MYOF: variants seen among roughly 807,000 people sequenced by gnomAD.
MYOF encodes myoferlin.
In MYOF, 244 loss-of-function variants were observed where a neutral mutation model predicts 284.2. That is an observed-to-expected ratio of 0.86 (90% confidence interval 0.77 to 0.95). The LOEUF (loss-of-function observed/expected upper bound fraction) is 0.95, where lower values mean the gene tolerates loss of function less well. Ranked by LOEUF, MYOF falls within the 40% of genes least tolerant of loss-of-function variation. MYOF has a pLI of 0.00. For missense variants in MYOF, 2,496 were observed against 2,560.6 expected (o/e 0.97, Z 0.54); for synonymous variants, 904 against 919.7 (o/e 0.98, Z 0.31).
intron 46 of MYOF, 66 bp downstream of exon 46, chr10:93,325,760 A>T: frequency 2.0e-6 from 3 of 1,527,374 alleles, no homozygotes; most frequent in Non-Finnish European, 2.6e-6. Context: ...AGGCGCAAAA[A>T]TGTCAACTAC....
At chr10:93,427,530 C>CAAA (rs11293315) in intron 4 of MYOF, among the ~76,000 whole-genome samples, 11 of 81,814 alleles carry the variant, frequency 1.3e-4, no homozygotes, top group Admixed American at 3.0e-4. Context: ...GACTCCGTCT[C>CAAA]AAAAAAAAAA....
intron 51 of MYOF, among the ~76,000 whole-genome samples, chr10:93,311,192 GC>G (rs1842370803): frequency 6.6e-6 from 1 of 152,132 alleles, no homozygotes; most frequent in Non-Finnish European, 1.5e-5. Context: ...GATGTTCCCA[GC>G]ACCGTTTAAA....
chr10:93,349,434 C>T (rs74150205), intron 36 of MYOF, among the ~76,000 whole-genome samples: 3,201 of 152,302 alleles, frequency 0.021, 92 homozygotes, highest in African/African-American at 0.073. Flanking sequence ...AGTCCTTATC[C>T]AGAAGGTTCT....
chr10:93,436,345 A>G (rs1849119163), intron 3 of MYOF, among the ~76,000 whole-genome samples: 1 of 152,236 alleles, frequency 6.6e-6, no homozygotes, highest in Non-Finnish European at 1.5e-5. Context: ...ACAGAAACCA[A>G]TTATAAAGGC....
chr10:93,479,312 T>C (rs1049512551), intron 1 of MYOF, among the ~76,000 whole-genome samples: 6 of 152,120 alleles, frequency 3.9e-5, no homozygotes, highest in African/African-American at 9.7e-5. Flanking sequence ...CAGTTTACCA[T>C]ACCCTGCCCC....
rs35765868 is a variant in MYOF at position 93,321,412 on chromosome 10, CTTTTTTTTTTTT to C, written c.5457-1411_5457-1400del. ...TGAAAGATTCCTTTTGACTATTAAC[CTTTTTTTTTTTT>C]TTTTTTTTTTTACAAGAGCCAGGTT... On this transcript the variant is annotated intron_variant, in intron 48 of 53. Transcript: ENST00000359263. 5.8e-5 allele frequency among the ~76,000 whole-genome samples: 7 copies of C among 121,188 alleles called. No homozygotes were observed. In the East Asian group the frequency reaches 1.7e-3, roughly 29 times the overall value. 79.5% of individuals were successfully genotyped at this position (121,188 alleles called of 152,430 possible).
At position 93,378,712 on chromosome 10, in the gene MYOF, T is replaced by C. The variant is rs1394429113; in HGVS notation, c.2001+1151A>G. Among the ~76,000 whole-genome samples the C allele has an allele frequency of 1.4e-5, 2 of 138,014 alleles. 1 individual carries two copies. Among genetic ancestry groups the C allele is most frequent in the Non-Finnish European group, 3.1e-5 (2 of 64,834 alleles). The allele number at this position is 138,014 out of a possible 152,430, so 90.5% of individuals were successfully genotyped here. A position where few individuals can be genotyped will look rare whatever the true frequency, so the allele number is the denominator to read the frequency against. On this transcript the variant is annotated intron_variant, in intron 21 of 53. Transcript: ENST00000359263. ...GTGTGTGTATATATATATATATATATATATGTATATATTTATCTTTTTAGA... is the reference window on the plus strand; with the variant it reads ...GTGTGTGTATATATATATATATATACATATGTATATATTTATCTTTTTAGA...
At chr10:93,431,024 C>CTTTTTTTTTTTTTT (rs113713765) in intron 4 of MYOF, among the ~76,000 whole-genome samples, 2 of 117,854 alleles carry the variant, frequency 1.7e-5, no homozygotes, top group Admixed American at 9.1e-5. Flanking sequence ...TTTTTCTTTT[C>CTTTTTTTTTTTTTT]TTTTTTTTTT....
In MYOF at chr10:93,333,439, C is replaced by T. The variant is rs78441577; in HGVS notation, c.4720-127G>A. ...TGACAAGGTGGCCGCCATGGCACCCCGTGCCTAAGACAAGGGAGCAATGCT... is the reference window on the plus strand; with the variant it reads ...TGACAAGGTGGCCGCCATGGCACCCTGTGCCTAAGACAAGGGAGCAATGCT... On this transcript the variant is annotated intron_variant, in intron 42 of 53. Transcript: ENST00000359263. 7,400 of 715,514 alleles carry T rather than the reference C, an allele frequency of 0.01. 338 individuals are homozygous for T. In the African/African-American group the frequency reaches 0.11, roughly 11 times the overall value. The allele number at this position is 715,514 out of a possible 1,614,324, so 44.3% of individuals were successfully genotyped here. A position where few individuals can be genotyped will look rare whatever the true frequency, so the allele number is the denominator to read the frequency against.
At chr10:93,446,508 T>G (rs965994431) in intron 3 of MYOF, among the ~76,000 whole-genome samples, 12 of 151,650 alleles carry the variant, frequency 7.9e-5, no homozygotes, top group African/African-American at 2.9e-4. Flanking sequence ...TGGCAGAAGA[T>G]GCAGGGTGTG....
At chr10:93,465,655 T>C (rs1287463696) in intron 1 of MYOF, among the ~76,000 whole-genome samples, 1 of 151,906 alleles carries the variant, frequency 6.6e-6, no homozygotes, top group Non-Finnish European at 1.5e-5. Flanking sequence ...GTTGGGACTG[T>C]AGGCATGTGC....
At chr10:93,351,619 A>G in intron 33 of MYOF, 46 bp downstream of exon 33, 2 of 1,605,094 alleles carry the variant, frequency 1.2e-6, no homozygotes, top group Non-Finnish European at 1.7e-6. Flanking sequence ...CATCCCTTCA[A>G]ATCTCCATCA....
chr10:93,482,287 C>T lies in MYOF; in HGVS notation c.-93G>A. The T allele has an allele frequency of 9.2e-7, 1 of 1,083,104 alleles. No homozygotes were observed. 67.1% of individuals were successfully genotyped at this position (1,083,104 alleles called of 1,614,324 possible). ...CGCACCGCCCTGGGAGAGAAGTTCTCTCCCAGTGAAGGGAGGATTTCTCCC... is the reference window on the plus strand; with the variant it reads ...CGCACCGCCCTGGGAGAGAAGTTCTTTCCCAGTGAAGGGAGGATTTCTCCC... On this transcript the variant is annotated 5_prime_UTR_variant, in exon 1 of 54. Transcript: ENST00000359263.
In MYOF at chr10:93,351,182, T is replaced by C. The variant is rs375436799; in HGVS notation, c.3921+15A>G. ...TCCGTTTGATTTGATGAGTAACACG[T>C]GGGGAGCAGCATACCTCAATGGCAG... On this transcript the variant is annotated intron_variant, in intron 35 of 53. Coordinates refer to ENST00000359263, the MANE Select transcript of MYOF (RefSeq NM_013451.4). 38 of 1,611,916 alleles carry C rather than the reference T, an allele frequency of 2.4e-5. No homozygotes were observed. Among genetic ancestry groups the C allele is most frequent in the Non-Finnish European group, 3.1e-5 (37 of 1,178,146 alleles).
intron 10 of MYOF, 103 bp from the exon 11 acceptor site, chr10:93,402,450 T>G: frequency 1.1e-6 from 1 of 893,282 alleles, no homozygotes; most frequent in Non-Finnish European, 1.8e-6. Flanking sequence ...TGGAAGCCTC[T>G]TCACGACACA....
At chr10:93,449,419 CAAAGA>C (rs898181036) in intron 3 of MYOF, among the ~76,000 whole-genome samples, 15 of 152,130 alleles carry the variant, frequency 9.9e-5, no homozygotes, top group African/African-American at 3.6e-4. Context: ...AAGAAGAAAG[CAAAGA>C]AGAGGAGGGC....
chr10:93,383,096 A>T (rs1056095852), intron 19 of MYOF, among the ~76,000 whole-genome samples: 1 of 152,036 alleles, frequency 6.6e-6, no homozygotes, highest in Non-Finnish European at 1.5e-5. Context: ...GGGTTTTACC[A>T]TAGTTGGCCA....
intron 3 of MYOF, among the ~76,000 whole-genome samples, chr10:93,436,263 A>G (rs373265419): frequency 1.3e-5 from 2 of 152,172 alleles, no homozygotes; most frequent in Non-Finnish European, 2.9e-5. Flanking sequence ...TTCTGACCCA[A>G]TCAGTATCCG....
intron 21 of MYOF, among the ~76,000 whole-genome samples, chr10:93,378,558 G>A (rs553770180): frequency 6.6e-6 from 1 of 151,446 alleles, no homozygotes; most frequent in Non-Finnish European, 1.5e-5. Context: ...GTCCAGCCCT[G>A]GTAGAGATTA....
Sources: gnomAD v4.1 joint callset for allele counts (sites outside exome capture counted in the v4.1 genomes callset) on GRCh38, gnomAD v4.1.1 for gene constraint, MANE v1.5 for transcripts, NCBI Gene and HGNC (gene_info 2026-07-23, HGNC 2026-07-21) for gene names.